Variants in KCNK9 observed in about 807,000 individuals in gnomAD.
The protein encoded by KCNK9 is potassium channel subfamily K member 9.
Under a neutral mutation model 10.8 loss-of-function variants are expected in KCNK9, and 1 was observed. The ratio of observed to expected loss-of-function variants is 0.09; its 90% confidence interval spans 0.03 to 0.44. The LOEUF (loss-of-function observed/expected upper bound fraction) is 0.44. Ranked by LOEUF, KCNK9 falls within the 20% of genes least tolerant of loss-of-function variation. The pLI, the probability that KCNK9 is intolerant of heterozygous loss-of-function variation, is 0.97. For synonymous variants in KCNK9, 231 were observed against 222.7 expected, an observed-to-expected ratio of 1.04 and a Z score of -0.33; for missense variants, 303 against 515.0, an observed-to-expected ratio of 0.59 and a Z score of 3.98.
intron 1 of KCNK9, among the ~76,000 whole-genome samples, chr8:139,660,232 T>A (rs1359106190): frequency 6.6e-6 from 1 of 152,094 alleles, no homozygotes; most frequent in Admixed American, 6.6e-5. Context: ...AGAGCACCCC[T>A]TCACAGGTAG....
intron 1 of KCNK9, among the ~76,000 whole-genome samples, chr8:139,662,462 G>A (rs1816179843): frequency 1.3e-5 from 2 of 152,162 alleles, no homozygotes; most frequent in African/African-American, 4.8e-5. Context: ...AGTGGCAGCT[G>A]TATTCATAAG....
downstream of KCNK9, among the ~76,000 whole-genome samples, chr8:139,614,111 A>G (rs1814509516): frequency 6.6e-6 from 1 of 152,214 alleles, no homozygotes; most frequent in Admixed American, 6.5e-5. Context: ...GGCCTCTGAG[A>G]AACCCTGTTC....
chr8:139,624,256 G>A (rs1040704617), intron 1 of KCNK9, among the ~76,000 whole-genome samples: 47 of 152,324 alleles, frequency 3.1e-4, no homozygotes, highest in African/African-American at 1.1e-3. Flanking sequence ...ATGGTCACAC[G>A]GAGTCAGGCC....
intron 1 of KCNK9, among the ~76,000 whole-genome samples, chr8:139,664,953 T>TG (rs1211538626): frequency 1.3e-5 from 2 of 151,318 alleles, no homozygotes; most frequent in East Asian, 1.9e-4. Flanking sequence ...CTGAGGGATC[T>TG]GGGGGGGATG....
In KCNK9 at chr8:139,690,172, C is replaced by T. The variant is rs1298474705; in HGVS notation, c.283+12538G>A. The stretch of plus-strand genomic sequence containing the variant: ...TATGTAACAACATAGTTAGCACAGA[C>T]TCTGAAGTCAGACTTCCCGGGCATA... On this transcript the variant is annotated intron_variant, in intron 1 of 1. Transcript: ENST00000520439. Among the ~76,000 whole-genome samples, 3 of 151,822 alleles carry T rather than the reference C, an allele frequency of 2.0e-5. No homozygotes were observed. In the East Asian group the frequency reaches 5.8e-4, roughly 29 times the overall value.
At chr8:139,608,840 C>T (rs1031264272), downstream of KCNK9, among the ~76,000 whole-genome samples, 16 of 152,194 alleles carry the variant, frequency 1.1e-4, no homozygotes, top group African/African-American at 3.6e-4. Flanking sequence ...TTCATCTGAA[C>T]GTGGCTCTTG....
intron 1 of KCNK9, among the ~76,000 whole-genome samples, chr8:139,657,902 G>A (rs74530176): frequency 1.6e-4 from 24 of 152,268 alleles, no homozygotes; most frequent in African/African-American, 5.3e-4. Flanking sequence ...AACATGGCTG[G>A]CCCCTGCTCC....
chr8:139,684,924 C>G (rs1331543813), intron 1 of KCNK9, among the ~76,000 whole-genome samples: 2 of 152,196 alleles, frequency 1.3e-5, no homozygotes, highest in African/African-American at 4.8e-5. Flanking sequence ...CTAGACAGAG[C>G]ACATGATCCA....
chr8:139,606,477 C>T (rs1050955515), intron 2 of KCNK9, among the ~76,000 whole-genome samples: 1 of 152,208 alleles, frequency 6.6e-6, no homozygotes, highest in Admixed American at 6.5e-5. Flanking sequence ...CCCCACACCC[C>T]ACCCTCCCCA....
At chr8:139,687,500 A>ATATATATGTATACACATATATT (rs1440259139) in intron 1 of KCNK9, among the ~76,000 whole-genome samples, 7,792 of 64,312 alleles carry the variant, frequency 0.12, 1,518 homozygotes, top group Non-Finnish European at 0.15. Context: ...ACACATATAT[A>ATATATATGTATACACATATATT]CATATATATG....
chr8:139,678,133 G>A (rs1448739182), intron 1 of KCNK9, among the ~76,000 whole-genome samples: 3 of 152,236 alleles, frequency 2.0e-5, no homozygotes, highest in Non-Finnish European at 2.9e-5. Flanking sequence ...CCCTGGAGGT[G>A]ACTGGACTCG....
intron 1 of KCNK9, among the ~76,000 whole-genome samples, chr8:139,631,984 C>T (rs967311228): frequency 1.8e-4 from 27 of 152,154 alleles, no homozygotes; most frequent in African/African-American, 6.3e-4. Context: ...CCTTGAATGC[C>T]GAGTTACTGG....
chr8:139,613,362 C>G, downstream of KCNK9, among the ~76,000 whole-genome samples: 1 of 152,154 alleles, frequency 6.6e-6, no homozygotes, highest in East Asian at 1.9e-4. Flanking sequence ...CCTGAATCAG[C>G]AGCCTCTATC....
chr8:139,648,074 A>G (rs1055928857), intron 1 of KCNK9, among the ~76,000 whole-genome samples: 4 of 152,236 alleles, frequency 2.6e-5, no homozygotes, highest in African/African-American at 9.6e-5. Flanking sequence ...ACAATGCAAT[A>G]TCATGTGATC....
intron 1 of KCNK9, among the ~76,000 whole-genome samples, chr8:139,636,194 T>C (rs1306585760): frequency 1.3e-5 from 2 of 152,266 alleles, no homozygotes; most frequent in Non-Finnish European, 2.9e-5. Flanking sequence ...TCTCATGTCA[T>C]GCCCAACTGC....
intron 1 of KCNK9, among the ~76,000 whole-genome samples, chr8:139,630,214 T>C (rs1815119984): frequency 6.6e-6 from 1 of 152,126 alleles, no homozygotes; most frequent in Non-Finnish European, 1.5e-5. Flanking sequence ...CAACGCGCAT[T>C]TTACCCCAAT....
At chr8:139,662,102 A>G (rs759655) in intron 1 of KCNK9, among the ~76,000 whole-genome samples, 74,536 of 152,108 alleles carry the variant, frequency 0.49, 23,398 homozygotes, top group African/African-American at 0.86. Flanking sequence ...GACTGTGGTC[A>G]GGGGCCCACC....
intron 1 of KCNK9, among the ~76,000 whole-genome samples, chr8:139,696,854 T>G: frequency 1.5e-5 from 2 of 131,522 alleles, no homozygotes; most frequent in Admixed American, 7.7e-5. Context: ...GATGAGTGGG[T>G]GGGTGGGTAG....
At chr8:139,701,382 G>A (rs914853728) in intron 1 of KCNK9, among the ~76,000 whole-genome samples, 6 of 152,204 alleles carry the variant, frequency 3.9e-5, no homozygotes, top group Non-Finnish European at 5.9e-5. Flanking sequence ...AACCAAGAAG[G>A]AAAGACAGGC....
Sources: allele counts gnomAD v4.1 joint callset (sites outside exome capture counted in the v4.1 genomes callset), GRCh38; gene constraint gnomAD v4.1.1; transcripts MANE v1.5; gene names NCBI Gene and HGNC (gene_info 2026-07-23, HGNC 2026-07-21).